Variants in CDK14 observed in about 807,000 individuals in gnomAD.
The protein encoded by CDK14 is cyclin dependent kinase 14, also known as cyclin-dependent kinase 14.
CDK14 carries 34 observed loss-of-function variants against 60.7 expected under a neutral mutation model. The observed-to-expected ratio is 0.56, with a 90% CI of 0.43 to 0.75. CDK14 has a LOEUF of 0.75. CDK14 is among the 30% of genes least tolerant of loss of function. The pLI is 0.00. For synonymous variants in CDK14, 197 were observed against 203.7 expected (o/e 0.97, Z 0.28); for missense variants, 482 against 564.1 (o/e 0.85, Z 1.47).
intron 10 of CDK14, among the ~76,000 whole-genome samples, chr7:91,005,804 A>T (rs996593145): frequency 6.6e-6 from 1 of 152,216 alleles, no homozygotes; most frequent in Non-Finnish European, 1.5e-5. Context: ...TCTCTAATTA[A>T]CGTTATGTAA....
intron 2 of CDK14, among the ~76,000 whole-genome samples, chr7:90,712,478 T>C (rs576201907): frequency 6.3e-4 from 96 of 152,212 alleles, no homozygotes; most frequent in African/African-American, 2.0e-3. Context: ...AGAATTTCAT[T>C]CCTTCTTAAT....
intron 2 of CDK14, among the ~76,000 whole-genome samples, chr7:90,677,690 A>G (rs1383314734): frequency 8.0e-6 from 1 of 125,522 alleles, no homozygotes; most frequent in Non-Finnish European, 1.7e-5. Flanking sequence ...AAAGCCTACC[A>G]GCTGTGCCCG....
intron 12 of CDK14, among the ~76,000 whole-genome samples, chr7:91,087,132 G>C (rs1157953380): frequency 6.6e-6 from 1 of 152,130 alleles, no homozygotes; most frequent in African/African-American, 2.4e-5. Flanking sequence ...AGTATCCACT[G>C]TTACCCATTC....
intron 5 of CDK14, among the ~76,000 whole-genome samples, chr7:90,843,890 T>G (rs1203243324): frequency 6.6e-6 from 1 of 152,198 alleles, no homozygotes; most frequent in African/African-American, 2.4e-5. Flanking sequence ...TGTAATGTAA[T>G]TTTTACTGAT....
At chr7:90,867,962 C>T (rs1187294430) in intron 6 of CDK14, among the ~76,000 whole-genome samples, 1 of 149,412 alleles carries the variant, frequency 6.7e-6, no homozygotes, top group Non-Finnish European at 1.5e-5. Context: ...CTTGTCTCTA[C>T]ATAAAATTAA....
chr7:90,977,575 T>A (rs187542220), intron 9 of CDK14, among the ~76,000 whole-genome samples: 1 of 152,236 alleles, frequency 6.6e-6, no homozygotes, highest in Non-Finnish European at 1.5e-5. Context: ...TTATTTTTTT[T>A]AAAAGACCAT....
intron 7 of CDK14, among the ~76,000 whole-genome samples, chr7:90,905,434 A>G (rs1240820947): frequency 6.6e-6 from 1 of 152,196 alleles, no homozygotes; most frequent in Non-Finnish European, 1.5e-5. Context: ...GGGGAAAGAA[A>G]GGTATTCATA....
chr7:90,797,968 C>G (rs968328104), intron 5 of CDK14, among the ~76,000 whole-genome samples: 1 of 151,918 alleles, frequency 6.6e-6, no homozygotes, highest in African/African-American at 2.4e-5. Context: ...CCATGTCACC[C>G]TACTTGCAAA....
At position 90,812,883 on chromosome 7, in the gene CDK14, TATC is replaced by T. The variant is rs368893084; in HGVS notation, c.544+22234_544+22236del. Among the ~76,000 whole-genome samples, 22 of 152,228 alleles carry T rather than the reference TATC, an allele frequency of 1.4e-4. No individual in the cohort carries two copies. The South Asian group carries it at 4.4e-3, about 30-fold the overall frequency. On this transcript the variant is annotated intron_variant, in intron 5 of 14. Transcript: ENST00000380050. ...GTTTTTTAAAGGTTAAATATTAAAT[TATC>T]ATATGACCCAGTGACTTCACTCCTG...
chr7:91,203,573 G>A (rs959644984), intron 14 of CDK14, among the ~76,000 whole-genome samples: 3 of 152,154 alleles, frequency 2.0e-5, no homozygotes, highest in African/African-American at 7.2e-5. Flanking sequence ...AAAGAGGAGA[G>A]AGCCAGGAAA....
At chr7:91,112,437 C>A in intron 12 of CDK14, 105 bp from the exon 13 acceptor site, 1 of 1,267,810 alleles carries the variant, frequency 7.9e-7, no homozygotes, top group Non-Finnish European at 1.1e-6. Context: ...ATTTGTTTTT[C>A]TAGCCAGGAA....
At chr7:90,931,038 T>G (rs1306114005) in intron 8 of CDK14, among the ~76,000 whole-genome samples, 2 of 152,206 alleles carry the variant, frequency 1.3e-5, no homozygotes, top group Non-Finnish European at 2.9e-5. Flanking sequence ...ATTTTTATTA[T>G]GATCAGTGAT....
chr7:90,695,019 A>G (rs1801626253), intron 2 of CDK14, among the ~76,000 whole-genome samples: 2 of 152,180 alleles, frequency 1.3e-5, no homozygotes, highest in African/African-American at 4.8e-5. Context: ...TCCCAAAAGA[A>G]ATTTTGATTG....
chr7:91,135,853 A>C (rs939392942), intron 14 of CDK14, among the ~76,000 whole-genome samples: 4 of 152,154 alleles, frequency 2.6e-5, no homozygotes, highest in African/African-American at 9.7e-5. Flanking sequence ...TTGTTCTTAC[A>C]CAAAATACTC....
chr7:90,657,516 ATAAAT>A (rs1256258724), intron 2 of CDK14, among the ~76,000 whole-genome samples: 3 of 152,218 alleles, frequency 2.0e-5, no homozygotes, highest in Non-Finnish European at 4.4e-5. Context: ...CTAGATCTAT[ATAAAT>A]TAATCTTTTG....
At chr7:90,613,765 C>G (rs1327239039) in intron 2 of CDK14, among the ~76,000 whole-genome samples, 1 of 152,112 alleles carries the variant, frequency 6.6e-6, no homozygotes, top group African/African-American at 2.4e-5. Context: ...ACTCTATTTT[C>G]TTCAACAAGT....
intron 2 of CDK14, among the ~76,000 whole-genome samples, chr7:90,635,226 G>A (rs1407673946): frequency 2.6e-5 from 4 of 152,170 alleles, no homozygotes; most frequent in African/African-American, 9.7e-5. Context: ...TGTCCTGACT[G>A]GTAATGCCTA....
At chr7:90,918,168 T>C (rs1165886482) in intron 8 of CDK14, among the ~76,000 whole-genome samples, 1 of 152,222 alleles carries the variant, frequency 6.6e-6, no homozygotes, top group African/African-American at 2.4e-5. Context: ...GAAACCTAAA[T>C]TTGAATGTCT....
intron 6 of CDK14, among the ~76,000 whole-genome samples, chr7:90,891,433 A>G (rs192258973): frequency 1.9e-3 from 292 of 152,380 alleles, no homozygotes; most frequent in African/African-American, 6.8e-3. Context: ...GTGTTTACAC[A>G]TAAACTATGC....
Sources: gnomAD v4.1 joint callset for allele counts (sites outside exome capture counted in the v4.1 genomes callset) on GRCh38, gnomAD v4.1.1 for gene constraint, MANE v1.5 for transcripts, NCBI Gene and HGNC (gene_info 2026-07-23, HGNC 2026-07-21) for gene names.